WNT5B: variants seen among roughly 807,000 people sequenced by gnomAD.
WNT5B encodes the protein Wnt family member 5B.
WNT5B carries 18 observed loss-of-function variants against 36.5 expected under a neutral mutation model. The observed-to-expected ratio is 0.49, with a 90% CI of 0.34 to 0.73. The LOEUF (loss-of-function observed/expected upper bound fraction) is 0.73. WNT5B is among the 30% of genes least tolerant of loss of function. WNT5B has a pLI of 0.01. For synonymous variants in WNT5B, 213 were observed against 212.3 expected (o/e 1.00, Z -0.03); for missense variants, 424 against 508.4 (o/e 0.83, Z 1.60).
intron 3 of WNT5B, among the ~76,000 whole-genome samples, chr12:1,634,431 G>A (rs953482490): frequency 2.0e-5 from 3 of 152,106 alleles, no homozygotes; most frequent in African/African-American, 7.2e-5. Flanking sequence ...TGTGTATTTC[G>A]TGTGCATAAA....
rs142722632 is a variant in WNT5B at position 1,622,792 on chromosome 12, G to C, written c.-58+5649G>C. 8.3e-3 allele frequency among the ~76,000 whole-genome samples: 1,260 copies of C among 152,308 alleles called. 20 individuals are homozygous for C. The highest frequency in any genetic ancestry group is 0.029 in the African/African-American group (1,209 of 41,554). On this transcript the variant is annotated intron_variant, in intron 1 of 4. Transcript: ENST00000310594. ...GAGCATATGAGGGACAGAAACAAAAGCACAACAGATGAGCATGCCACACTA... is the reference window on the plus strand; with the variant it reads ...GAGCATATGAGGGACAGAAACAAAACCACAACAGATGAGCATGCCACACTA...
Position 1,646,093 on chromosome 12 carries a change from C to T in WNT5B, c.921C>T (p.Thr307=). The T allele has an allele frequency of 6.2e-7, 1 of 1,613,994 alleles. No homozygotes were observed. Among genetic ancestry groups the T allele is most frequent in the South Asian group, 1.1e-5 (1 of 91,090 alleles). Residue 307 remains threonine, a synonymous_variant, in exon 5 of 5, where the codon ACC becomes ACT. Transcript: ENST00000397196. ...LGTQGRLCNK[T]SEGMDGCELM... ...CGCAGGGCCGCCTCTGCAACAAGAC[C>T]TCGGAGGGCATGGATGGCTGTGAGC...
At chr12:1,643,365 CT>C (rs1217772993) in intron 4 of WNT5B, among the ~76,000 whole-genome samples, 1 of 152,068 alleles carries the variant, frequency 6.6e-6, no homozygotes, top group African/African-American at 2.4e-5. Context: ...AGAACTAAAA[CT>C]TTTTTCTTTT....
rs1017827509 is a variant in WNT5B, at chr12:1,630,953, G to C, written c.-57-345G>C. Reference sequence around the variant, plus strand: ...TTTGGATGTTCTGCAGCAAGGACAGGTATGCTTTACAACAGCCGAAGTGGC... The same window carrying C: ...TTTGGATGTTCTGCAGCAAGGACAGCTATGCTTTACAACAGCCGAAGTGGC... On this transcript the variant is annotated intron_variant, in intron 1 of 4. Coordinates refer to ENST00000397196, the MANE Select transcript of WNT5B (RefSeq NM_032642.3). This position sits in a 1 kb window ranked among gnomAD's most constrained non-coding sequence, Gnocchi z 5.3. 6.0e-6 allele frequency: 1 copy of C among 167,252 alleles called. No individual in the cohort carries two copies. The highest frequency in any genetic ancestry group is 2.4e-5 in the African/African-American group (1 of 42,040). The allele number at this position is 167,252 out of a possible 1,614,324, so 10.4% of individuals were successfully genotyped here. A position where few individuals can be genotyped will look rare whatever the true frequency, so the allele number is the denominator to read the frequency against.
Position 1,630,164 on chromosome 12 carries a change from C to G in WNT5B, c.-58+793C>G. On this transcript the variant is annotated intron_variant, in intron 1 of 4. Transcript: ENST00000397196. This position sits in a 1 kb window ranked among gnomAD's most constrained non-coding sequence, Gnocchi z 5.3. The stretch of plus-strand genomic sequence containing the variant: ...CACCCGCCGCCCCCTCCCGGGGAGC[C>G]TGGGGACGCCGACGCGCGAGAGTGG... The G allele has an allele frequency of 1.0e-6, 1 of 985,426 alleles. No individual in the cohort carries two copies. Among genetic ancestry groups the G allele is most frequent in the Non-Finnish European group, 1.2e-6 (1 of 829,970 alleles). 61.0% of individuals were successfully genotyped at this position (985,426 alleles called of 1,614,324 possible). A position where few individuals can be genotyped will look rare whatever the true frequency, so the allele number is the denominator to read the frequency against.
In WNT5B at chr12:1,632,561, G is replaced by T; in HGVS notation, c.81-97G>T. 6.8e-7 allele frequency: 1 copy of T among 1,462,508 alleles called. No homozygotes were observed. The highest frequency in any genetic ancestry group is 1.4e-5 in the South Asian group (1 of 73,046). 90.6% of individuals were successfully genotyped at this position (1,462,508 alleles called of 1,614,324 possible). ...TTTCCAGGGCCTTGTACACAGGGACGCATTCAATAAATGTGTTGAATGAAT... is the reference window on the plus strand; with the variant it reads ...TTTCCAGGGCCTTGTACACAGGGACTCATTCAATAAATGTGTTGAATGAAT... On this transcript the variant is annotated intron_variant, in intron 2 of 4. Coordinates refer to ENST00000397196, the MANE Select transcript of WNT5B (RefSeq NM_032642.3). The surrounding 1 kb of genome is among the most constrained non-coding windows in gnomAD (Gnocchi z 5.8).
chr12:1,617,661 T>C (rs2094528639), intron 1 of WNT5B, among the ~76,000 whole-genome samples: 1 of 152,068 alleles, frequency 6.6e-6, no homozygotes, highest in Non-Finnish European at 1.5e-5. Context: ...AAAAAAGAAC[T>C]GCATGGCAAA....
At chr12:1,624,722 C>T (rs376140497), upstream of WNT5B, among the ~76,000 whole-genome samples, 30 of 152,184 alleles carry the variant, frequency 2.0e-4, no homozygotes, top group South Asian at 5.0e-3. Flanking sequence ...CCATACTGGG[C>T]GCAAAGGGGC....
In WNT5B at chr12:1,618,122, A is replaced by G. The variant is rs2094529384; in HGVS notation, c.-58+979A>G. 6.6e-6 allele frequency among the ~76,000 whole-genome samples: 1 copy of G among 152,220 alleles called. No homozygotes were observed. The highest frequency in any genetic ancestry group is 1.5e-5 in the Non-Finnish European group (1 of 68,026). ...ATGCCACCGTACTCCAGCCTGGGTG[A>G]CAGTGAGACGATGTCTCCAAAAAAG... On this transcript the variant is annotated intron_variant, in intron 1 of 4. Transcript: ENST00000310594. This position sits in a 1 kb window ranked among gnomAD's most constrained non-coding sequence, Gnocchi z 4.1.
chr12:1,628,161 T>C (rs1421534109), upstream of WNT5B, among the ~76,000 whole-genome samples: 8 of 88,188 alleles, frequency 9.1e-5, no homozygotes, highest in South Asian at 2.1e-3. Flanking sequence ...TGACTCCCAC[T>C]TTTTTTTTTT....
At chr12:1,627,123 G>A (rs1291750453), upstream of WNT5B, among the ~76,000 whole-genome samples, 1 of 152,228 alleles carries the variant, frequency 6.6e-6, no homozygotes, top group Non-Finnish European at 1.5e-5. The surrounding 1 kb of genome is among the most constrained non-coding windows in gnomAD (Gnocchi z 5.0). Context: ...CATGCAAGAA[G>A]CTAGAAGTAG....
In WNT5B at chr12:1,639,755, C is replaced by CGCGAGG; in HGVS notation, c.406_411dup (p.Gly136_Glu137dup). On this transcript the variant is annotated inframe_insertion, in exon 4 of 5. Transcript: ENST00000397196. ...GGTCAACGCCATCAGCCGGGCCTGC[C>CGCGAGG]GCGAGGGCGAGCTCTCCACCTGCGG... 1 of 1,605,652 alleles carries CGCGAGG rather than the reference C, an allele frequency of 6.2e-7. No homozygotes were observed. The highest frequency in any genetic ancestry group is 8.5e-7 in the Non-Finnish European group (1 of 1,176,084).
chr12:1,639,574 G>A (rs2094569808), intron 3 of WNT5B, 110 bp from the exon 4 acceptor site: 12 of 1,242,814 alleles, frequency 9.7e-6, no homozygotes, highest in Non-Finnish European at 1.3e-5. Context: ...CCCTGCCCCA[G>A]GGGTGTCAGC....
chr12:1,634,894 T>C (rs543335116), intron 3 of WNT5B, among the ~76,000 whole-genome samples: 1 of 152,374 alleles, frequency 6.6e-6, no homozygotes, highest in Non-Finnish European at 1.5e-5. Context: ...GAAATTGTTC[T>C]GCTGTCTCCT....
chr12:1,634,918 G>T (rs144121945), intron 3 of WNT5B, among the ~76,000 whole-genome samples: 1 of 152,334 alleles, frequency 6.6e-6, no homozygotes, highest in East Asian at 1.9e-4. Flanking sequence ...GGGAAAAGAC[G>T]CATGTCCCTC....
chr12:1,642,069 C>T (rs1565612323), intron 4 of WNT5B, among the ~76,000 whole-genome samples: 1 of 152,098 alleles, frequency 6.6e-6, no homozygotes, highest in Non-Finnish European at 1.5e-5. Flanking sequence ...AAGGTGGGGT[C>T]AGTGCGTGGT....
intron 1 of WNT5B, among the ~76,000 whole-genome samples, chr12:1,620,754 G>T (rs1313697520): frequency 4.7e-5 from 6 of 127,838 alleles, no homozygotes; most frequent in Non-Finnish European, 9.9e-5. Context: ...GCCAGGCTGG[G>T]GTGCAATGGC....
intron 4 of WNT5B, among the ~76,000 whole-genome samples, chr12:1,640,444 G>A (rs546597293): frequency 6.6e-6 from 1 of 152,192 alleles, no homozygotes; most frequent in African/African-American, 2.4e-5. Flanking sequence ...CCAGAACCCA[G>A]TCAAAAAACA....
intron 4 of WNT5B, among the ~76,000 whole-genome samples, chr12:1,643,878 A>G (rs2094580478): frequency 6.6e-6 from 1 of 151,754 alleles, no homozygotes; most frequent in South Asian, 2.1e-4. Context: ...TATCTCTACA[A>G]TGTCTTTGAA....
Sources: gnomAD v4.1 joint callset for allele counts (sites outside exome capture counted in the v4.1 genomes callset) on GRCh38, gnomAD v4.1.1 for gene constraint, Gnocchi (gnomAD v3.1) non-coding constraint, MANE v1.5 for transcripts, NCBI Gene and HGNC (gene_info 2026-07-23, HGNC 2026-07-21) for gene names.